The following NSMCE2 variants were observed in gnomAD, a reference collection of about 807,000 sequenced individuals.
The protein encoded by NSMCE2 is E3 SUMO-protein ligase NSE2.
NSMCE2 carries 24 observed loss-of-function variants against 23.8 expected under a neutral mutation model. That is an observed-to-expected ratio of 1.01 (90% CI 0.73 to 1.42). The LOEUF is 1.42. NSMCE2 is among the 40% of genes most tolerant of loss of function. NSMCE2 has a pLI of 0.00. For synonymous variants in NSMCE2, 92 were observed against 94.1 expected (o/e 0.98, Z 0.13); for missense variants, 284 against 296.5 (o/e 0.96, Z 0.31).
At chr8:125,288,616 TTTGG>T (rs1482218887) in intron 5 of NSMCE2, among the ~76,000 whole-genome samples, 1 of 152,158 alleles carries the variant, frequency 6.6e-6, no homozygotes, top group Non-Finnish European at 1.5e-5. Flanking sequence ...CTTCTCTCAC[TTTGG>T]TTGTTGTTAC....
intron 5 of NSMCE2, among the ~76,000 whole-genome samples, chr8:125,226,203 G>A (rs1825084655): frequency 6.6e-6 from 1 of 152,140 alleles, no homozygotes; most frequent in Non-Finnish European, 1.5e-5. Context: ...TCCTCCCAGA[G>A]GGCCTCATGA....
intron 4 of NSMCE2, among the ~76,000 whole-genome samples, chr8:125,176,419 G>T (rs188245581): frequency 4.4e-4 from 67 of 151,964 alleles, no homozygotes; most frequent in African/African-American, 1.5e-3. Context: ...TCTTCTAGCC[G>T]CCCTTAAAAT....
intron 7 of NSMCE2, among the ~76,000 whole-genome samples, chr8:125,364,136 G>C (rs1813685896): frequency 6.6e-6 from 1 of 152,012 alleles, no homozygotes; most frequent in Admixed American, 6.6e-5. Context: ...TAAAGATAGG[G>C]TTTCGCCATG....
intron 3 of NSMCE2, among the ~76,000 whole-genome samples, chr8:125,124,470 T>TTCTCTCTCTCTC (rs376240525): frequency 2.4e-4 from 35 of 146,316 alleles, no homozygotes; most frequent in African/African-American, 8.3e-4. Context: ...TCCTCAGGAT[T>TTCTCTCTCTCTC]TCTCTCTCTC....
chr8:125,358,568 C>T (rs911252534), intron 7 of NSMCE2, among the ~76,000 whole-genome samples: 1 of 152,108 alleles, frequency 6.6e-6, no homozygotes, highest in Non-Finnish European at 1.5e-5. Flanking sequence ...GGACCATGCT[C>T]TGTTCCTGTA....
intron 5 of NSMCE2, among the ~76,000 whole-genome samples, chr8:125,242,968 C>A (rs1424727215): frequency 6.6e-6 from 1 of 151,928 alleles, no homozygotes; most frequent in African/African-American, 2.4e-5. Context: ...TATCAAAAAC[C>A]CACAACATTT....
intron 5 of NSMCE2, among the ~76,000 whole-genome samples, chr8:125,299,617 T>G (rs1288481023): frequency 6.6e-6 from 1 of 151,886 alleles, no homozygotes; most frequent in Non-Finnish European, 1.5e-5. Context: ...GAGATTTGGG[T>G]GGGGACACAA....
chr8:125,197,514 G>A (rs139785472), intron 5 of NSMCE2, among the ~76,000 whole-genome samples: 3,256 of 152,228 alleles, frequency 0.021, 126 homozygotes, highest in African/African-American at 0.075. Context: ...TTGTAGATGT[G>A]TGGTGTTATT....
chr8:125,210,977 C>T (rs775695671), intron 5 of NSMCE2, among the ~76,000 whole-genome samples: 2 of 152,120 alleles, frequency 1.3e-5, no homozygotes, highest in Non-Finnish European at 2.9e-5. Flanking sequence ...AAGTGATTCA[C>T]CTGCCTTGGC....
intron 5 of NSMCE2, among the ~76,000 whole-genome samples, chr8:125,275,030 AT>A: frequency 6.7e-6 from 1 of 149,094 alleles, no homozygotes; most frequent in South Asian, 2.1e-4. Flanking sequence ...AATAATAATA[AT>A]AATAAATAGA....
chr8:125,102,260 C>A, intron 2 of NSMCE2, 57 bp from the exon 3 acceptor site: 2 of 1,115,782 alleles, frequency 1.8e-6, no homozygotes, highest in Non-Finnish European at 1.4e-6. Context: ...TTAATATTTT[C>A]CTGTGCAGTT....
intron 5 of NSMCE2, among the ~76,000 whole-genome samples, chr8:125,263,866 T>A (rs1024658658): frequency 1.1e-4 from 16 of 152,060 alleles, no homozygotes; most frequent in Non-Finnish European, 2.9e-5. Context: ...GAGATTTTTG[T>A]GTTTTACTCA....
At chr8:125,340,009 TTTG>T in intron 5 of NSMCE2, among the ~76,000 whole-genome samples, 3 of 114,986 alleles carry the variant, frequency 2.6e-5, no homozygotes, top group Non-Finnish European at 5.9e-5. Context: ...GTAGTTTTTT[TTTG>T]TTTTTTTTTT....
At chr8:125,111,557 T>A (rs1818747798) in intron 3 of NSMCE2, among the ~76,000 whole-genome samples, 1 of 152,190 alleles carries the variant, frequency 6.6e-6, no homozygotes, top group African/African-American at 2.4e-5. Flanking sequence ...CCCAGCACTT[T>A]GGGAGGCCGA....
chr8:125,265,903 C>A (rs1291827972), intron 5 of NSMCE2, among the ~76,000 whole-genome samples: 4 of 151,888 alleles, frequency 2.6e-5, no homozygotes, highest in African/African-American at 9.7e-5. Flanking sequence ...CTTTTTTTTC[C>A]TGTAAATGTG....
At chr8:125,115,463 C>A (rs550524216) in intron 3 of NSMCE2, among the ~76,000 whole-genome samples, 2 of 152,298 alleles carry the variant, frequency 1.3e-5, no homozygotes, top group Non-Finnish European at 2.9e-5. Flanking sequence ...TCTATTAAAT[C>A]TTTCAGGCCG....
intron 5 of NSMCE2, among the ~76,000 whole-genome samples, chr8:125,263,574 A>G (rs545897034): frequency 7.9e-5 from 12 of 152,086 alleles, no homozygotes; most frequent in Admixed American, 7.9e-4. Flanking sequence ...ACATGGTGAA[A>G]CCCTGTCTCT....
intron 5 of NSMCE2, among the ~76,000 whole-genome samples, chr8:125,308,129 G>T (rs1360929453): frequency 6.6e-6 from 1 of 152,102 alleles, no homozygotes; most frequent in East Asian, 1.9e-4. Flanking sequence ...AGTCTCGGAG[G>T]CATGGGAGTT....
chr8:125,280,025 C>T (rs983286784), intron 5 of NSMCE2, among the ~76,000 whole-genome samples: 3 of 152,256 alleles, frequency 2.0e-5, no homozygotes, highest in Admixed American at 2.0e-4. Flanking sequence ...TCCTCGAGGG[C>T]AGGGACCATC....
Sources: allele counts gnomAD v4.1 joint callset (sites outside exome capture counted in the v4.1 genomes callset), GRCh38; gene constraint gnomAD v4.1.1; transcripts MANE v1.5; gene names NCBI Gene and HGNC (gene_info 2026-07-23, HGNC 2026-07-21).